The following PTPRD variants were observed in gnomAD, a reference collection of about 807,000 sequenced individuals.
PTPRD encodes the protein protein tyrosine phosphatase receptor type D, also known as receptor-type tyrosine-protein phosphatase delta.
In PTPRD, 34 loss-of-function variants were observed where a neutral mutation model predicts 214.5. The observed-to-expected ratio is 0.16, with a 90% CI of 0.12 to 0.21. PTPRD has a LOEUF of 0.21. Among genes scored for constraint, PTPRD ranks in the 10% least tolerant of loss-of-function variants. The probability of loss-of-function intolerance (pLI) is 1.00; values close to 1 mark genes in which losing one functional copy is unlikely to be tolerated. For synonymous variants in PTPRD, 1,128 were observed against 845.7 expected (o/e 1.33, Z -5.79); for missense variants, 2,545 against 2,398.7 (o/e 1.06, Z -1.27).
intron 7 of PTPRD, among the ~76,000 whole-genome samples, chr9:9,588,246 G>C (rs1416713998): frequency 1.3e-5 from 2 of 151,852 alleles, no homozygotes; most frequent in African/African-American, 4.8e-5. Flanking sequence ...TTGGAAGACA[G>C]AAGGGAGAAA....
intron 2 of PTPRD, among the ~76,000 whole-genome samples, chr9:10,437,236 A>G (rs965958176): frequency 2.6e-5 from 4 of 151,966 alleles, no homozygotes; most frequent in Non-Finnish European, 5.9e-5. Context: ...AATATCTTTT[A>G]ACAGAAAGCA....
chr9:10,556,446 T>C (rs538445750), intron 2 of PTPRD, among the ~76,000 whole-genome samples: 30 of 152,226 alleles, frequency 2.0e-4, no homozygotes, highest in African/African-American at 5.5e-4. Flanking sequence ...ATATTTTCTA[T>C]AGGGCACATA....
chr9:10,092,722 C>G (rs770100880), intron 3 of PTPRD, among the ~76,000 whole-genome samples: 2 of 151,506 alleles, frequency 1.3e-5, no homozygotes, highest in Non-Finnish European at 3.0e-5. Context: ...GATATAGTAA[C>G]CAAAACAGCA....
intron 9 of PTPRD, among the ~76,000 whole-genome samples, chr9:9,190,714 G>A (rs1037122509): frequency 6.6e-6 from 1 of 152,050 alleles, no homozygotes; most frequent in African/African-American, 2.4e-5. Flanking sequence ...AAATTATCCA[G>A]TCTCAGGTAT....
intron 2 of PTPRD, among the ~76,000 whole-genome samples, chr9:10,391,246 C>A (rs1384400718): frequency 6.6e-6 from 1 of 151,818 alleles, no homozygotes; most frequent in African/African-American, 2.4e-5. Context: ...GGTAAAGAAG[C>A]AACATATCAG....
intron 12 of PTPRD, among the ~76,000 whole-genome samples, chr9:8,732,333 G>C (rs1237176972): frequency 6.6e-6 from 1 of 152,158 alleles, no homozygotes; most frequent in Non-Finnish European, 1.5e-5. Context: ...GCTGTGATCT[G>C]ACATTAAACT....
chr9:9,955,475 C>A (rs1482576557), intron 4 of PTPRD, among the ~76,000 whole-genome samples: 4 of 151,650 alleles, frequency 2.6e-5, no homozygotes, highest in Non-Finnish European at 4.4e-5. Flanking sequence ...TTGGCCACAA[C>A]ATTGAACTCT....
chr9:9,867,202 G>C (rs751082482), intron 5 of PTPRD, among the ~76,000 whole-genome samples: 6 of 152,090 alleles, frequency 3.9e-5, no homozygotes, highest in South Asian at 2.1e-4. Context: ...CAAGTCTCCT[G>C]ATAAGTTGAA....
intron 2 of PTPRD, among the ~76,000 whole-genome samples, chr9:10,537,621 T>G (rs2058135702): frequency 6.6e-6 from 1 of 152,158 alleles, no homozygotes; most frequent in South Asian, 2.1e-4. Context: ...AGTTTTGTGC[T>G]TTTCTTTACA....
At chr9:9,149,713 A>T (rs1464062016) in intron 10 of PTPRD, among the ~76,000 whole-genome samples, 6 of 152,212 alleles carry the variant, frequency 3.9e-5, no homozygotes, top group Non-Finnish European at 8.8e-5. Context: ...CCAAATGAAA[A>T]CATAGTCAAT....
intron 2 of PTPRD, among the ~76,000 whole-genome samples, chr9:10,436,898 G>A (rs930291826): frequency 4.0e-5 from 6 of 151,716 alleles, no homozygotes; most frequent in African/African-American, 7.3e-5. Flanking sequence ...ATATACTCAC[G>A]GAACTAAATA....
chr9:9,445,738 G>A (rs1239480823), intron 8 of PTPRD, among the ~76,000 whole-genome samples: 2 of 152,232 alleles, frequency 1.3e-5, no homozygotes, highest in African/African-American at 2.4e-5. Context: ...CTCCTGACAC[G>A]TGGGAATTAT....
chr9:10,224,644 A>C (rs2099582827), intron 3 of PTPRD, among the ~76,000 whole-genome samples: 2 of 152,088 alleles, frequency 1.3e-5, no homozygotes, highest in South Asian at 4.1e-4. Context: ...TGTTAGAAAA[A>C]AATAATGTGC....
intron 9 of PTPRD, among the ~76,000 whole-genome samples, chr9:9,243,403 CAA>C (rs1164295647): frequency 6.6e-6 from 1 of 152,190 alleles, no homozygotes; most frequent in African/African-American, 2.4e-5. Flanking sequence ...AAAATACTGG[CAA>C]ACCGAATCCA....
At chr9:9,623,982 G>A (rs2095333888) in intron 7 of PTPRD, among the ~76,000 whole-genome samples, 1 of 151,982 alleles carries the variant, frequency 6.6e-6, no homozygotes, top group Non-Finnish European at 1.5e-5. Flanking sequence ...TTGTGGGTCT[G>A]GAAACTCAAA....
chr9:10,199,351 A>G (rs2099410472), intron 3 of PTPRD, among the ~76,000 whole-genome samples: 1 of 152,098 alleles, frequency 6.6e-6, no homozygotes, highest in Admixed American at 6.6e-5. Flanking sequence ...ACCTACGTAT[A>G]ATGATAGGAG....
intron 3 of PTPRD, among the ~76,000 whole-genome samples, chr9:10,233,543 C>T (rs1346690799): frequency 6.6e-6 from 1 of 151,746 alleles, no homozygotes; most frequent in African/African-American, 2.4e-5. Flanking sequence ...AAAATATGAA[C>T]ATTTTATTTC....
At chr9:9,775,329 T>C (rs2154485263) in intron 5 of PTPRD, among the ~76,000 whole-genome samples, 1 of 152,308 alleles carries the variant, frequency 6.6e-6, no homozygotes, top group Non-Finnish European at 1.5e-5. Context: ...CCTTGTGAAT[T>C]TTAATCTACG....
At chr9:10,156,812 T>C (rs2099096243) in intron 3 of PTPRD, among the ~76,000 whole-genome samples, 1 of 152,184 alleles carries the variant, frequency 6.6e-6, no homozygotes, top group Non-Finnish European at 1.5e-5. Flanking sequence ...TGAATCTGAG[T>C]GCTCGTATGT....
Sources: gnomAD v4.1 joint callset for allele counts (sites outside exome capture counted in the v4.1 genomes callset) on GRCh38, gnomAD v4.1.1 for gene constraint, MANE v1.5 for transcripts, NCBI Gene and HGNC (gene_info 2026-07-23, HGNC 2026-07-21) for gene names.